The following SOX5 variants were observed in gnomAD, a reference collection of about 807,000 sequenced individuals.
SOX5 encodes the protein transcription factor SOX-5.
Under a neutral mutation model 92.0 loss-of-function variants are expected in SOX5, and 9 were observed. The ratio of observed to expected loss-of-function variants is 0.10; its 90% CI spans 0.06 to 0.17. The LOEUF (loss-of-function observed/expected upper bound fraction) is 0.17, where lower values mean the gene tolerates loss of function less well. Ranked by LOEUF, SOX5 falls within the 10% of genes least tolerant of loss-of-function variation. The pLI is 1.00. For synonymous variants in SOX5, 344 were observed against 336.3 expected (o/e 1.02, Z -0.25); for missense variants, 642 against 944.5 (o/e 0.68, Z 4.20).
chr12:23,703,154 A>AT (rs1354162408), intron 6 of SOX5, among the ~76,000 whole-genome samples: 1 of 152,084 alleles, frequency 6.6e-6, no homozygotes, highest in South Asian at 2.1e-4. Flanking sequence ...TAATTAGCAT[A>AT]TGTAGTGTGA....
At chr12:24,201,067 C>T (rs938979297) in intron 4 of SOX5, among the ~76,000 whole-genome samples, 3 of 152,134 alleles carry the variant, frequency 2.0e-5, no homozygotes, top group East Asian at 1.9e-4. Context: ...AATAGGAAAA[C>T]CAATTCCCTG....
chr12:23,817,380 C>T (rs2096015481), intron 3 of SOX5, among the ~76,000 whole-genome samples: 1 of 152,148 alleles, frequency 6.6e-6, no homozygotes, highest in Admixed American at 6.6e-5. Context: ...GAAAATCATA[C>T]ATTATATGTC....
intron 4 of SOX5, among the ~76,000 whole-genome samples, chr12:24,167,246 T>A (rs1377974324): frequency 6.6e-6 from 1 of 152,228 alleles, no homozygotes; most frequent in African/African-American, 2.4e-5. Context: ...AAATTTGGGA[T>A]GTGATACATA....
At chr12:23,907,540 C>A (rs1156577329) in intron 1 of SOX5, among the ~76,000 whole-genome samples, 2 of 152,200 alleles carry the variant, frequency 1.3e-5, no homozygotes, top group East Asian at 3.9e-4. Context: ...ATTACTACTA[C>A]AATTAGTATT....
chr12:23,932,260 G>A (rs1301912650), intron 1 of SOX5, among the ~76,000 whole-genome samples: 1 of 151,570 alleles, frequency 6.6e-6, no homozygotes, highest in East Asian at 1.9e-4. Flanking sequence ...GAAGCAAGTG[G>A]CCTGGACTCC....
intron 2 of SOX5, among the ~76,000 whole-genome samples, chr12:24,356,984 T>A (rs1348650508): frequency 1.3e-5 from 2 of 152,224 alleles, no homozygotes; most frequent in Non-Finnish European, 2.9e-5. Context: ...GAAAAAAGGC[T>A]GATCATGACA....
chr12:23,842,918 G>C (rs2096535328), intron 3 of SOX5, among the ~76,000 whole-genome samples: 1 of 152,168 alleles, frequency 6.6e-6, no homozygotes, highest in South Asian at 2.1e-4. Context: ...GGTGTAGAAA[G>C]GGGACAGAGA....
chr12:23,826,686 G>C (rs2096240541), intron 3 of SOX5, among the ~76,000 whole-genome samples: 1 of 111,618 alleles, frequency 9.0e-6, no homozygotes, highest in Admixed American at 9.0e-5. Context: ...ACTGATGCAA[G>C]AAAATTAGGG....
intron 1 of SOX5, among the ~76,000 whole-genome samples, chr12:24,450,945 A>G (rs1357477612): frequency 3.3e-5 from 5 of 151,632 alleles, no homozygotes; most frequent in Non-Finnish European, 7.4e-5. Flanking sequence ...TGCTTCCCCT[A>G]CCCCCTCACT....
chr12:23,984,391 G>C (rs1436418350), intron 4 of SOX5, among the ~76,000 whole-genome samples: 2 of 152,166 alleles, frequency 1.3e-5, no homozygotes, highest in African/African-American at 4.8e-5. Context: ...TCTAAAGCAG[G>C]AACTTCTAAA....
At chr12:24,429,435 T>C (rs1937824911) in intron 1 of SOX5, among the ~76,000 whole-genome samples, 1 of 152,160 alleles carries the variant, frequency 6.6e-6, no homozygotes, top group African/African-American at 2.4e-5. Context: ...AGAATGGTTC[T>C]TAACATTTAG....
chr12:24,460,191 G>A (rs1294906143), intron 1 of SOX5, among the ~76,000 whole-genome samples: 1 of 152,184 alleles, frequency 6.6e-6, no homozygotes, highest in Non-Finnish European at 1.5e-5. Flanking sequence ...CAATGGGAGT[G>A]ACATTTTGCA....
chr12:24,190,310 T>A (rs1284660573), intron 4 of SOX5, among the ~76,000 whole-genome samples: 1 of 152,190 alleles, frequency 6.6e-6, no homozygotes, highest in Non-Finnish European at 1.5e-5. Flanking sequence ...TACATATATA[T>A]GTTTAAAGAT....
At chr12:23,763,181 C>T (rs2094611634) in intron 3 of SOX5, among the ~76,000 whole-genome samples, 1 of 152,148 alleles carries the variant, frequency 6.6e-6, no homozygotes, top group Non-Finnish European at 1.5e-5. Flanking sequence ...TCTATGCTTC[C>T]ATTCACTTAC....
intron 3 of SOX5, among the ~76,000 whole-genome samples, chr12:23,771,548 A>G (rs1450387911): frequency 6.6e-6 from 1 of 152,228 alleles, no homozygotes; most frequent in African/African-American, 2.4e-5. Flanking sequence ...AGTTTATCCA[A>G]GGTTTGCAAA....
At chr12:24,215,366 TAAA>T (rs1172220837) in intron 3 of SOX5, among the ~76,000 whole-genome samples, 2 of 152,102 alleles carry the variant, frequency 1.3e-5, no homozygotes, top group Admixed American at 6.5e-5. Context: ...AGGAAGTAAT[TAAA>T]AAACTATAAG....
chr12:24,010,572 C>T (rs913904747), intron 4 of SOX5, among the ~76,000 whole-genome samples: 4 of 152,116 alleles, frequency 2.6e-5, no homozygotes, highest in African/African-American at 9.7e-5. Context: ...ATAATTTACA[C>T]CTTATTAAAA....
At chr12:23,835,109 G>A (rs543877454) in intron 3 of SOX5, among the ~76,000 whole-genome samples, 18 of 151,494 alleles carry the variant, frequency 1.2e-4, no homozygotes, top group South Asian at 2.1e-4. Context: ...CTGGACACCC[G>A]GAAGTAGAGA....
intron 1 of SOX5, among the ~76,000 whole-genome samples, chr12:24,427,146 A>G (rs939248386): frequency 7.9e-5 from 12 of 152,222 alleles, no homozygotes; most frequent in African/African-American, 2.9e-4. Flanking sequence ...ATAAATATTC[A>G]ACCATTATTG....
Sources: allele counts gnomAD v4.1 joint callset (sites outside exome capture counted in the v4.1 genomes callset), GRCh38; gene constraint gnomAD v4.1.1; transcripts MANE v1.5; gene names NCBI Gene and HGNC (gene_info 2026-07-23, HGNC 2026-07-21).